Variants in PRC1 observed in about 807,000 individuals in gnomAD.
PRC1 encodes the protein protein regulator of cytokinesis 1, also known as anaphase spindle elongation 1 homolog.
In PRC1, 54 loss-of-function variants were observed where a neutral mutation model predicts 91.2. That is an observed-to-expected ratio of 0.59 (90% confidence interval 0.48 to 0.74). The LOEUF (loss-of-function observed/expected upper bound fraction) is 0.74, where lower values mean the gene tolerates loss of function less well. PRC1 is among the 30% of genes least tolerant of loss of function. The pLI is 0.00. For missense variants in PRC1, 727 were observed against 746.2 expected (o/e 0.97, Z 0.30); for synonymous variants, 275 against 263.6 (o/e 1.04, Z -0.42).
At chr15:90,992,297 G>GA in intron 1 of PRC1, among the ~76,000 whole-genome samples, 1 of 152,118 alleles carries the variant, frequency 6.6e-6, no homozygotes, top group Non-Finnish European at 1.5e-5. Flanking sequence ...TTTGCTATTA[G>GA]AATATAAACT....
rs749276294 is a variant in PRC1 at position 90,966,616 on chromosome 15, G to A, written c.*515C>T. ...CAGTAGGGCAGGCCATCTCAACTTC[G>A]GACACACAAAGACATTCTCTTCAGG... On this transcript the variant is annotated 3_prime_UTR_variant, in exon 15 of 15. Coordinates refer to ENST00000394249, the MANE Select transcript of PRC1 (RefSeq NM_003981.4). 2.0e-5 allele frequency: 9 copies of A among 455,930 alleles called. No homozygotes were observed. Among genetic ancestry groups the A allele is most frequent in the Middle Eastern group, 3.2e-4 (1 of 3,092 alleles). 28.2% of individuals were successfully genotyped at this position (455,930 alleles called of 1,614,324 possible). A position where few individuals can be genotyped will look rare whatever the true frequency, so the allele number is the denominator to read the frequency against.
At chr15:90,970,341 G>GGCCTCTGGGT (rs2038003174) in intron 12 of PRC1, 63 bp downstream of exon 12, 35 of 1,210,606 alleles carry the variant, frequency 2.9e-5, no homozygotes, top group Non-Finnish European at 3.9e-5. Context: ...AAGTAGGTGG[G>GGCCTCTGGGT]GCCTCTGGGT....
Position 90,966,773 on chromosome 15 carries a change from C to A in PRC1, c.*358G>T, listed in dbSNP as rs767704900. ...GTTACAGGTATACATGCCAAAATTACCCCCAGGGATGGGCATAGTCAATCA... is the reference window on the plus strand; with the variant it reads ...GTTACAGGTATACATGCCAAAATTAACCCCAGGGATGGGCATAGTCAATCA... On this transcript the variant is annotated 3_prime_UTR_variant, in exon 15 of 15. Transcript: ENST00000394249. 48 of 429,420 alleles carry A rather than the reference C, an allele frequency of 1.1e-4. No homozygotes were observed. The highest frequency in any genetic ancestry group is 3.2e-5 in the Non-Finnish European group (7 of 219,042). 26.6% of individuals were successfully genotyped at this position (429,420 alleles called of 1,614,324 possible). A position where few individuals can be genotyped will look rare whatever the true frequency, so the allele number is the denominator to read the frequency against.
rs1474393359 is a variant in PRC1, at chr15:90,984,863, T to C, written c.12-38A>G. 1.2e-6 allele frequency: 2 copies of C among 1,611,566 alleles called. No individual in the cohort carries two copies. The highest frequency in any genetic ancestry group is 2.7e-5 in the African/African-American group (2 of 74,684). On this transcript the variant is annotated intron_variant, in intron 1 of 14. Coordinates refer to ENST00000394249, the MANE Select transcript of PRC1 (RefSeq NM_003981.4). This position sits in a 1 kb window ranked among gnomAD's most constrained non-coding sequence, Gnocchi z 5.1. The stretch of plus-strand genomic sequence containing the variant: ...AACTAAGGCCTGTTAGTTACATCAG[T>C]CACAGCCTCTGGACTAAAAGCACTA...
At position 90,967,490 on chromosome 15, in the gene PRC1, A is replaced by G. The variant is rs894803006; in HGVS notation, c.1792-288T>C. 21 of 376,058 alleles carry G rather than the reference A, an allele frequency of 5.6e-5. No individual in the cohort carries two copies. The Admixed American group carries it at 8.9e-4, about 16-fold the overall frequency. 23.3% of individuals were successfully genotyped at this position (376,058 alleles called of 1,614,324 possible). A position where few individuals can be genotyped will look rare whatever the true frequency, so the allele number is the denominator to read the frequency against. ...TCCTTCATACAGTCATGCACTGCAT[A>G]ATGATGTTTCAGTTAACGACAGGCC... On this transcript the variant is annotated intron_variant, in intron 14 of 14. Coordinates refer to ENST00000394249, the MANE Select transcript of PRC1 (RefSeq NM_003981.4).
chr15:90,967,712 G>A lies in PRC1; in HGVS notation c.1792-510C>T, dbSNP rs149770197. The A allele has an allele frequency of 2.4e-3, 1,366 of 563,794 alleles. 11 individuals carry two copies. Among genetic ancestry groups the A allele is most frequent in the African/African-American group, 0.022 (1,096 of 48,742 alleles). 34.9% of individuals were successfully genotyped at this position (563,794 alleles called of 1,614,324 possible). On this transcript the variant is annotated intron_variant, in intron 14 of 14. Coordinates refer to ENST00000394249, the MANE Select transcript of PRC1 (RefSeq NM_003981.4). ...CAGGTTTGTAGCCTAGGAGGAAAAC[G>A]CCATACCATATAGTTTAGGTGTGTA...
In PRC1 at chr15:90,984,006, G is replaced by C; in HGVS notation, c.267+12C>G. The C allele has an allele frequency of 6.2e-7, 1 of 1,613,594 alleles. No individual in the cohort carries two copies. The highest frequency in any genetic ancestry group is 8.5e-7 in the Non-Finnish European group (1 of 1,179,618). Reference sequence around the variant, plus strand: ...AGACAGATCACCAGAGACCCTGTGGGCTGCCACGGACCTGAAATGGCTCAA... The same window carrying C: ...AGACAGATCACCAGAGACCCTGTGGCCTGCCACGGACCTGAAATGGCTCAA... On this transcript the variant is annotated intron_variant, in intron 3 of 14. Transcript: ENST00000394249. The surrounding 1 kb of genome is among the most constrained non-coding windows in gnomAD (Gnocchi z 5.1).
intron 13 of PRC1, 137 bp from the exon 14 acceptor site, chr15:90,969,257 C>T: frequency 8.3e-7 from 1 of 1,199,626 alleles, no homozygotes. Flanking sequence ...CTAGTTGCTG[C>T]TGCCAACTTC....
chr15:90,974,638 C>G lies in PRC1; in HGVS notation c.1297G>C (p.Ala433Pro), dbSNP rs564511547. The G allele has an allele frequency of 6.2e-7, 1 of 1,614,092 alleles. No homozygotes were observed. The highest frequency in any genetic ancestry group is 8.5e-7 in the Non-Finnish European group (1 of 1,180,046). The part of the protein sequence containing the change: ...VNGQKFMEYV[A>P]EQWEMHRLEK... ...AATCGATGCATCTCCCATTGTTCTG[C>G]CACATACTCCATGAATTTCTGCCCA... The change falls in exon 10 of 15, where the codon GCA becomes CCA. Residue 433 changes from alanine (A) to proline (P), a missense_variant. Physicochemically the swap from Ala to Pro is conservative, Grantham distance 27 (BLOSUM62 -1). Coordinates refer to ENST00000394249, the MANE Select transcript of PRC1 (RefSeq NM_003981.4). This position sits in a 1 kb window ranked among gnomAD's most constrained non-coding sequence, Gnocchi z 4.6.
intron 13 of PRC1, 66 bp from the exon 14 acceptor site, chr15:90,969,186 G>C: frequency 3.3e-6 from 5 of 1,519,276 alleles, no homozygotes; most frequent in Non-Finnish European, 4.6e-6. Flanking sequence ...CAGTGATAGA[G>C]GGGTTGCCTC....
intron 8 of PRC1, among the ~76,000 whole-genome samples, chr15:90,978,230 T>C (rs569556222): frequency 6.6e-6 from 1 of 152,306 alleles, no homozygotes; most frequent in African/African-American, 2.4e-5. Context: ...ATTCTAAGTA[T>C]AGCAAAAGTT....
Position 90,981,518 on chromosome 15 carries a change from A to G in PRC1, c.653T>C (p.Leu218Pro). ...CAGTACCTGCCGTAGCAACTTTTGT[A>G]GTGTTGCAATATTCTCCAAAGACAA... The part of the protein sequence containing the change: ...FCLSLENIAT[L>P]QKLLRQLEMQ... Residue 218 changes from leucine (L) to proline (P), a missense_variant, in exon 5 of 15, where the codon CTA (leucine) becomes CCA (proline). By Grantham distance (98) the Leu-to-Pro change is moderately conservative (BLOSUM62 -3). Coordinates refer to ENST00000394249, the MANE Select transcript of PRC1 (RefSeq NM_003981.4). 1 of 1,613,914 alleles carries G rather than the reference A, an allele frequency of 6.2e-7. No individual in the cohort carries two copies. The highest frequency in any genetic ancestry group is 8.5e-7 in the Non-Finnish European group (1 of 1,180,022).
At chr15:90,983,305 G>A (rs1298307361) in intron 3 of PRC1, among the ~76,000 whole-genome samples, 1 of 152,132 alleles carries the variant, frequency 6.6e-6, no homozygotes, top group African/African-American at 2.4e-5. Flanking sequence ...GAACCTTATG[G>A]GTGTACTCAT....
At position 90,994,438 on chromosome 15, in the gene PRC1, G is replaced by T; in HGVS notation, c.-21C>A. On this transcript the variant is annotated 5_prime_UTR_variant, in exon 1 of 15. Transcript: ENST00000394249. ...CTCATGGCGGACGCTCCAAGCAGCC[G>T]TGAGTCCAGGTCCAGACCTACTCCA... The T allele has an allele frequency of 6.2e-7, 1 of 1,610,544 alleles. No homozygotes were observed. Among genetic ancestry groups the T allele is most frequent in the Non-Finnish European group, 8.5e-7 (1 of 1,178,284 alleles).
At chr15:90,968,239 G>A in intron 14 of PRC1, 1 of 985,394 alleles carries the variant, frequency 1.0e-6, no homozygotes, top group Non-Finnish European at 1.2e-6. Flanking sequence ...CAGCCAGAGT[G>A]ACACACACCC....
At position 90,969,436 on chromosome 15, in the gene PRC1, AG is replaced by A; in HGVS notation, c.1749+10del. The A allele has an allele frequency of 6.3e-7, 1 of 1,582,266 alleles. No homozygotes were observed. Among genetic ancestry groups the A allele is most frequent in the Non-Finnish European group, 8.6e-7 (1 of 1,161,274 alleles). ...CCCAGAGACTGGTAGATATTAGAAA[AG>A]GTGAATTACCGCAAACTCAGAATAG... is the stretch of plus-strand genomic sequence containing the variant. On this transcript the variant is annotated intron_variant, in intron 13 of 14. Coordinates refer to ENST00000394249, the MANE Select transcript of PRC1 (RefSeq NM_003981.4).
Position 90,984,896 on chromosome 15 carries a change from G to A in PRC1, c.12-71C>T. The A allele has an allele frequency of 1.9e-6, 3 of 1,549,436 alleles. No individual in the cohort carries two copies. The highest frequency in any genetic ancestry group is 2.4e-5 in the South Asian group (2 of 82,160). ...TCTGGACTAAAAGCACTATTTTCGA[G>A]AACTAAAAAGACTAGCTTCTCAGTG... On this transcript the variant is annotated intron_variant, in intron 1 of 14. Transcript: ENST00000394249. The surrounding 1 kb of genome is among the most constrained non-coding windows in gnomAD (Gnocchi z 5.1).
intron 5 of PRC1, 162 bp from the exon 6 acceptor site, chr15:90,981,195 CG>C: frequency 1.0e-6 from 1 of 961,156 alleles, no homozygotes; most frequent in Non-Finnish European, 1.5e-6. Flanking sequence ...GTAAGGCTGT[CG>C]GGATCTCAGA....
intron 14 of PRC1, chr15:90,968,680 A>C (rs2037762451): frequency 9.7e-7 from 1 of 1,031,812 alleles, no homozygotes; most frequent in Non-Finnish European, 1.2e-6. Context: ...AGGAAGGCAT[A>C]TACTCCAGGA....
Sources: gnomAD v4.1 joint callset for allele counts (sites outside exome capture counted in the v4.1 genomes callset) on GRCh38, gnomAD v4.1.1 for gene constraint, Gnocchi (gnomAD v3.1) non-coding constraint, MANE v1.5 for transcripts, NCBI Gene and HGNC (gene_info 2026-07-23, HGNC 2026-07-21) for gene names.